IFT43: variants seen among roughly 807,000 people sequenced by gnomAD.
The protein encoded by IFT43 is intraflagellar transport protein 43 homolog.
Under a neutral mutation model 32.3 loss-of-function variants are expected in IFT43, and 33 were observed. The ratio of observed to expected loss-of-function variants is 1.02; its 90% CI spans 0.77 to 1.37. The LOEUF (loss-of-function observed/expected upper bound fraction) is 1.37. IFT43 is among the 40% of genes most tolerant of loss of function. The pLI is 0.00. For missense variants in IFT43, 274 were observed against 265.9 expected (o/e 1.03, Z -0.21); for synonymous variants, 93 against 98.2 (o/e 0.95, Z 0.31).
chr14:76,050,798 T>TA (rs952379556), intron 3 of IFT43, among the ~76,000 whole-genome samples: 2 of 152,176 alleles, frequency 1.3e-5, no homozygotes, highest in Non-Finnish European at 1.5e-5. Flanking sequence ...GTTTCCTGAA[T>TA]AAAAAAATGT....
chr14:76,046,746 CAG>C (rs1356317474), intron 3 of IFT43, among the ~76,000 whole-genome samples: 1 of 152,196 alleles, frequency 6.6e-6, no homozygotes, highest in Non-Finnish European at 1.5e-5. Context: ...ACCAGCTTGG[CAG>C]AGTTTAAAGT....
At chr14:76,073,890 G>A (rs2037367189) in intron 5 of IFT43, among the ~76,000 whole-genome samples, 1 of 152,068 alleles carries the variant, frequency 6.6e-6, no homozygotes, top group African/African-American at 2.4e-5. Context: ...TGATAAGAGA[G>A]CGAGCAGCAG....
chr14:75,995,784 C>T (rs1234871304), intron 2 of IFT43, among the ~76,000 whole-genome samples: 1 of 152,190 alleles, frequency 6.6e-6, no homozygotes, highest in East Asian at 1.9e-4. Flanking sequence ...TTGAATGATG[C>T]TTCTGATAAC....
chr14:76,043,273 G>A (rs1216895468), intron 3 of IFT43, among the ~76,000 whole-genome samples: 1 of 152,238 alleles, frequency 6.6e-6, no homozygotes, highest in Non-Finnish European at 1.5e-5. Context: ...GGGGCCAGGT[G>A]AGTAGAGGCA....
intron 2 of IFT43, among the ~76,000 whole-genome samples, chr14:75,992,523 A>G (rs574433403): frequency 1.3e-5 from 2 of 152,156 alleles, no homozygotes; most frequent in Non-Finnish European, 2.9e-5. Context: ...GTTGGCTAGT[A>G]GGTATCCAGA....
intron 2 of IFT43, among the ~76,000 whole-genome samples, chr14:76,006,772 G>T (rs1447106147): frequency 1.3e-5 from 2 of 151,390 alleles, no homozygotes; most frequent in East Asian, 3.9e-4. Flanking sequence ...TTTGCTTTTT[G>T]AAATATTAAC....
chr14:75,996,989 G>C (rs1442846842), intron 2 of IFT43, among the ~76,000 whole-genome samples: 1 of 152,218 alleles, frequency 6.6e-6, no homozygotes, highest in Non-Finnish European at 1.5e-5. Context: ...GTGTCAGGTA[G>C]AGGTGATTAC....
intron 3 of IFT43, among the ~76,000 whole-genome samples, chr14:76,049,108 A>C (rs1334577996): frequency 6.6e-6 from 1 of 152,238 alleles, no homozygotes; most frequent in Middle Eastern, 3.2e-3. Context: ...ATTAAACATG[A>C]ATTGAAATAA....
At chr14:76,083,187 C>CA in intron 7 of IFT43, 40 bp from the exon 8 acceptor site, 1 of 1,613,564 alleles carries the variant, frequency 6.2e-7, no homozygotes, top group Non-Finnish European at 8.5e-7. Flanking sequence ...TGAAAGCCCT[C>CA]AAGGTGCTCA....
intron 3 of IFT43, among the ~76,000 whole-genome samples, chr14:76,034,591 A>G (rs2036566121): frequency 6.6e-6 from 1 of 152,246 alleles, no homozygotes; most frequent in Admixed American, 6.5e-5. Flanking sequence ...TGAGAAGTAG[A>G]AGGGCTGTTT....
intron 5 of IFT43, among the ~76,000 whole-genome samples, chr14:76,068,334 G>C (rs575443687): frequency 1.3e-5 from 2 of 152,186 alleles, no homozygotes; most frequent in Non-Finnish European, 2.9e-5. Flanking sequence ...CAGAAGAGAA[G>C]CTGATTCAGC....
chr14:76,058,767 G>T (rs1223853019), intron 4 of IFT43, 93 bp downstream of exon 4: 2 of 1,602,972 alleles, frequency 1.2e-6, no homozygotes, highest in African/African-American at 1.3e-5. Context: ...CACCTATGTT[G>T]AACACTGTGT....
intron 5 of IFT43, among the ~76,000 whole-genome samples, chr14:76,059,772 GTTAAAGCAT>G (rs2037095758): frequency 6.6e-6 from 1 of 152,168 alleles, no homozygotes; most frequent in Admixed American, 6.5e-5. Context: ...GTTTACACAT[GTTAAAGCAT>G]TTTCTCTCAC....
chr14:76,007,776 A>C (rs2036007530), intron 2 of IFT43, among the ~76,000 whole-genome samples: 1 of 152,188 alleles, frequency 6.6e-6, no homozygotes, highest in Non-Finnish European at 1.5e-5. Context: ...AAGTATAGGG[A>C]AATGGGGCAT....
intron 3 of IFT43, 63 bp downstream of exon 3, chr14:76,022,457 C>T (rs1199214445): frequency 2.1e-6 from 2 of 949,186 alleles, no homozygotes; most frequent in South Asian, 2.8e-5. Flanking sequence ...GACTTTGCTC[C>T]TGTGTTGTTT....
chr14:76,046,105 G>A (rs917837524), intron 3 of IFT43, among the ~76,000 whole-genome samples: 41 of 152,284 alleles, frequency 2.7e-4, no homozygotes, highest in African/African-American at 7.9e-4. Flanking sequence ...TTAGAAAGAT[G>A]TGAAAGCCAG....
chr14:76,039,617 T>C lies in IFT43; in HGVS notation c.215+17223T>C, dbSNP rs183668308. On this transcript the variant is annotated intron_variant, in intron 3 of 8. Transcript: ENST00000314067. ...TTAGTCTTTGTATAACATCGTGTCT[T>C]CTTTTGAGACATTAGAACTACTGGT... 1.2e-3 allele frequency among the ~76,000 whole-genome samples: 177 copies of C among 152,362 alleles called. 3 individuals carry two copies. Among genetic ancestry groups the C allele is most frequent in the Admixed American group, 0.012 (177 of 15,302 alleles).
intron 2 of IFT43, among the ~76,000 whole-genome samples, chr14:75,997,757 G>A (rs999651789): frequency 3.3e-5 from 5 of 151,508 alleles, no homozygotes; most frequent in African/African-American, 1.2e-4. Flanking sequence ...TTGTTTGGGG[G>A]TGGGGGTTGG....
intron 3 of IFT43, among the ~76,000 whole-genome samples, chr14:76,042,181 T>C (rs2036720601): frequency 6.6e-6 from 1 of 151,924 alleles, no homozygotes; most frequent in Admixed American, 6.6e-5. Flanking sequence ...CTAAACACAG[T>C]TATCTTTTTC....
Sources: gnomAD v4.1 joint callset for allele counts (sites outside exome capture counted in the v4.1 genomes callset) on GRCh38, gnomAD v4.1.1 for gene constraint, MANE v1.5 for transcripts, NCBI Gene and HGNC (gene_info 2026-07-23, HGNC 2026-07-21) for gene names.